The following DNAJA2 variants were observed in gnomAD, a reference collection of about 807,000 sequenced individuals.
DNAJA2 encodes DnaJ heat shock protein family (Hsp40) member A2.
A neutral mutation model predicts 49.3 loss-of-function variants in DNAJA2; 6 were observed. The ratio of observed to expected loss-of-function variants is 0.12; its 90% CI spans 0.07 to 0.24. The LOEUF is 0.24. DNAJA2 is among the 10% of genes least tolerant of loss of function. The pLI is 1.00. For synonymous variants in DNAJA2, 160 were observed against 172.7 expected (o/e 0.93, Z 0.58); for missense variants, 347 against 516.8 (o/e 0.67, Z 3.19).
At position 46,968,119 on chromosome 16, in the gene DNAJA2, T is replaced by C. The variant is rs763553530; in HGVS notation, c.408A>G (p.Gln136=). 9 of 1,609,910 alleles carry C rather than the reference T, an allele frequency of 5.6e-6. No individual in the cohort carries two copies. The highest frequency in any genetic ancestry group is 5.5e-5 in the South Asian group (5 of 90,114). ...DLYNGKTTKL[Q]LSKNVLCSAC... ...CACTACAGAGCACATTCTTGCTAAG[T>C]TGTAGTTTGGTTGTCTTGCCATTAT... The change falls in exon 4 of 9, where the codon CAA becomes CAG. Residue 136 remains glutamine, a synonymous_variant. Transcript: ENST00000317089.
chr16:46,959,804 C>G lies in DNAJA2; in HGVS notation c.775-385G>C, dbSNP rs139651363. ...CCCTGGAGTGCTCCCCAGACATGATCGTAACAGGGAAGGGGGGAGGGTCCA... is the reference window on the plus strand; with the variant it reads ...CCCTGGAGTGCTCCCCAGACATGATGGTAACAGGGAAGGGGGGAGGGTCCA... On this transcript the variant is annotated intron_variant, in intron 6 of 8. Coordinates refer to ENST00000317089, the MANE Select transcript of DNAJA2 (RefSeq NM_005880.4). Among the ~76,000 whole-genome samples, 175 of 152,276 alleles carry G rather than the reference C, an allele frequency of 1.1e-3. 1 individual carries two copies. The highest frequency in any genetic ancestry group is 4.1e-3 in the African/African-American group (170 of 41,558).
chr16:46,971,029 C>T (rs575426871), intron 3 of DNAJA2, among the ~76,000 whole-genome samples: 2 of 149,080 alleles, frequency 1.3e-5, no homozygotes, highest in East Asian at 1.9e-4. Flanking sequence ...GAGCGAAACT[C>T]GGTCTCAAAA....
At chr16:46,961,151 C>T (rs149019465) in intron 6 of DNAJA2, among the ~76,000 whole-genome samples, 2,080 of 152,242 alleles carry the variant, frequency 0.014, 26 homozygotes, top group Non-Finnish European at 0.021. Context: ...AATCCCAGCA[C>T]TTTGGGAGGC....
chr16:46,970,864 C>A (rs966197789), intron 3 of DNAJA2, among the ~76,000 whole-genome samples: 1 of 149,888 alleles, frequency 6.7e-6, no homozygotes, highest in African/African-American at 2.4e-5. Context: ...CATGGAGAAA[C>A]CCCATCTCTT....
In DNAJA2 at chr16:46,959,431, G is replaced by A; in HGVS notation, c.775-12C>T. ...TCTCTCTGAAATACCTATAAATAAA[G>A]CACAAAAGAAATACATTTTCTTAAA... On this transcript the variant is annotated splice_polypyrimidine_tract_variant and intron_variant, in intron 6 of 8. Coordinates refer to ENST00000317089, the MANE Select transcript of DNAJA2 (RefSeq NM_005880.4). 3 of 1,599,802 alleles carry A rather than the reference G, an allele frequency of 1.9e-6. No individual in the cohort carries two copies. The highest frequency in any genetic ancestry group is 2.2e-5 in the East Asian group (1 of 44,696).
At chr16:46,971,801 G>T in intron 2 of DNAJA2, 95 bp downstream of exon 2, 1 of 1,155,448 alleles carries the variant, frequency 8.7e-7, no homozygotes, top group Admixed American at 1.8e-5. Flanking sequence ...TGTGGGCATA[G>T]TTGGATTTTT....
At chr16:46,958,895 G>C (rs371783039) in intron 8 of DNAJA2, 108 bp downstream of exon 8, 2 of 1,291,262 alleles carry the variant, frequency 1.5e-6, no homozygotes, top group Non-Finnish European at 2.1e-6. Flanking sequence ...AGTGAGCCAC[G>C]ATCACACCAC....
intron 8 of DNAJA2, 87 bp from the exon 9 acceptor site, chr16:46,957,307 A>G: frequency 3.2e-6 from 4 of 1,266,180 alleles, no homozygotes; most frequent in Non-Finnish European, 4.4e-6. Flanking sequence ...TCTGTTTAAG[A>G]GTTTAAAAAG....
chr16:46,958,966 T>C, intron 8 of DNAJA2, 37 bp downstream of exon 8: 1 of 1,556,920 alleles, frequency 6.4e-7, no homozygotes, highest in Non-Finnish European at 8.7e-7. Context: ...ACTCCAAACT[T>C]GGAAGTCAAC....
intron 6 of DNAJA2, chr16:46,959,644 G>A: frequency 2.2e-6 from 1 of 464,860 alleles, no homozygotes; most frequent in Non-Finnish European, 3.8e-6. Flanking sequence ...GGTAAACAAT[G>A]GCATATATAA....
intron 3 of DNAJA2, among the ~76,000 whole-genome samples, chr16:46,970,826 G>A (rs1442259360): frequency 2.7e-5 from 4 of 149,126 alleles, no homozygotes; most frequent in Admixed American, 6.8e-5. Context: ...ATCACCTGAG[G>A]TTGGGAGTTC....
intron 5 of DNAJA2, 103 bp downstream of exon 5, chr16:46,967,410 G>A: frequency 7.0e-7 from 1 of 1,432,968 alleles, no homozygotes; most frequent in East Asian, 2.4e-5. Context: ...TCTTTAATAA[G>A]ATGTATACAA....
In DNAJA2 at chr16:46,956,303, T is replaced by C. The variant is rs929621754; in HGVS notation, c.*726A>G. The C allele has an allele frequency of 6.6e-6, 1 of 151,662 alleles. No individual in the cohort carries two copies. Among genetic ancestry groups the C allele is most frequent in the African/African-American group, 2.4e-5 (1 of 41,344 alleles). 9.4% of individuals were successfully genotyped at this position (151,662 alleles called of 1,614,324 possible). A position where few individuals can be genotyped will look rare whatever the true frequency, so the allele number is the denominator to read the frequency against. On this transcript the variant is annotated 3_prime_UTR_variant, in exon 9 of 9. Coordinates refer to ENST00000317089, the MANE Select transcript of DNAJA2 (RefSeq NM_005880.4). ...GAGATATAAGCTTCAGGCCAATGGG[T>C]TTTTATGGGCTGTTTAAGAACCAGT...
Position 46,971,396 on chromosome 16 carries a change from TCTA to T in DNAJA2, c.312_314del (p.Ser104del). On this transcript the variant is annotated inframe_deletion, in exon 3 of 9. Coordinates refer to ENST00000317089, the MANE Select transcript of DNAJA2 (RefSeq NM_005880.4). ...CTCCTCTTCTTCTGCCATTTCGACT[TCTA>T]CTCTGATTGCCCATGAAGCCGAACA... The T allele has an allele frequency of 1.2e-6, 2 of 1,614,016 alleles. No individual in the cohort carries two copies. Among genetic ancestry groups the T allele is most frequent in the African/African-American group, 2.7e-5 (2 of 75,000 alleles).
In DNAJA2 at chr16:46,957,091, C is replaced by T; in HGVS notation, c.1177G>A (p.Asp393Asn). ...CTGCTGCTTTCTTCATCAGAGCTAT[C>T]ATTATAGGCTTCACGCCTCTGACCA... is the stretch of plus-strand genomic sequence containing the variant. ...GGGQRREAYN[D>N]SSDEESSSHH... The change falls in exon 9 of 9, where the codon GAT becomes AAT. Residue 393 changes from aspartate to asparagine, a missense_variant. Asp to Asn is a conservative substitution (Grantham distance 23). Transcript: ENST00000317089. 6.2e-7 allele frequency: 1 copy of T among 1,614,168 alleles called. No homozygotes were observed. Among genetic ancestry groups the T allele is most frequent in the East Asian group, 2.2e-5 (1 of 44,876 alleles).
chr16:46,967,341 C>T (rs146627746), intron 5 of DNAJA2, among the ~76,000 whole-genome samples, 172 bp downstream of exon 5: 1 of 152,176 alleles, frequency 6.6e-6, no homozygotes, highest in Non-Finnish European at 1.5e-5. Flanking sequence ...GAGCAATCCA[C>T]CTCTGTCTCC....
At chr16:46,964,306 A>G (rs1961939082) in intron 6 of DNAJA2, among the ~76,000 whole-genome samples, 1 of 152,180 alleles carries the variant, frequency 6.6e-6, no homozygotes, top group African/African-American at 2.4e-5. Flanking sequence ...CGGGAGGCAG[A>G]GGTTGTAGTG....
intron 8 of DNAJA2, among the ~76,000 whole-genome samples, chr16:46,958,088 C>T (rs1961841845): frequency 6.6e-6 from 1 of 152,118 alleles, no homozygotes; most frequent in Non-Finnish European, 1.5e-5. Flanking sequence ...ACTGCAATCC[C>T]AGAACTTCGG....
At chr16:46,963,385 TAG>T (rs1961925487) in intron 6 of DNAJA2, among the ~76,000 whole-genome samples, 1 of 151,956 alleles carries the variant, frequency 6.6e-6, no homozygotes, top group Non-Finnish European at 1.5e-5. Flanking sequence ...TAACATACAC[TAG>T]GCTGGGCACT....
Sources: gnomAD v4.1 joint callset for allele counts (sites outside exome capture counted in the v4.1 genomes callset) on GRCh38, gnomAD v4.1.1 for gene constraint, MANE v1.5 for transcripts, NCBI Gene and HGNC (gene_info 2026-07-23, HGNC 2026-07-21) for gene names.